The following ACYP1 variants were observed in gnomAD, a reference collection of about 807,000 sequenced individuals.
ACYP1 encodes the protein acylphosphatase 1.
A neutral mutation model predicts 10.4 loss-of-function variants in ACYP1; 8 were observed. That is an observed-to-expected ratio of 0.77 (90% CI 0.45 to 1.38). The LOEUF is 1.38. Ranked by LOEUF, ACYP1 falls within the 40% of genes most tolerant of loss-of-function variation. The pLI is 0.00. For synonymous variants in ACYP1, 38 were observed against 40.8 expected, an observed-to-expected ratio of 0.93 and a Z score of 0.26; for missense variants, 93 against 117.3, an observed-to-expected ratio of 0.79 and a Z score of 0.96.
chr14:75,055,439 G>A (rs1052762949), intron 2 of ACYP1, among the ~76,000 whole-genome samples: 6 of 151,278 alleles, frequency 4.0e-5, no homozygotes, highest in Non-Finnish European at 8.8e-5. Flanking sequence ...GACCAGTGTT[G>A]AGAATGGGCG....
At chr14:75,055,263 A>AT in intron 2 of ACYP1, among the ~76,000 whole-genome samples, 1 of 150,150 alleles carries the variant, frequency 6.7e-6, no homozygotes, top group East Asian at 1.9e-4. Context: ...ATTTTTTTGT[A>AT]TTTTTAGTAG....
intron 2 of ACYP1, among the ~76,000 whole-genome samples, chr14:75,062,387 T>A (rs1893045376): frequency 6.6e-6 from 1 of 151,206 alleles, no homozygotes. Context: ...GCTGTGACTG[T>A]GCCACCATCC....
rs1009706410 is a variant in ACYP1 at position 75,069,184 on chromosome 14, C to T, written c.82+26G>A. ...GTTCCAAAGCCTTGGCGAGGACAAG[C>T]AAGGAGCGCGCGCGTGCAGCCATAC... On this transcript the variant is annotated intron_variant, in intron 1 of 2. Coordinates refer to the ACYP1 transcript ENST00000555463. 2.6e-6 allele frequency: 4 copies of T among 1,516,320 alleles called. No individual in the cohort carries two copies. In the African/African-American group the frequency reaches 5.7e-5, roughly 22 times the overall value. The allele number at this position is 1,516,320 out of a possible 1,614,324, so 93.9% of individuals were successfully genotyped here. A position where few individuals can be genotyped will look rare whatever the true frequency, so the allele number is the denominator to read the frequency against.
intron 2 of ACYP1, among the ~76,000 whole-genome samples, chr14:75,058,971 G>A (rs1053928571): frequency 2.6e-5 from 4 of 152,012 alleles, no homozygotes; most frequent in African/African-American, 9.7e-5. Context: ...AGGCTGAGGC[G>A]GGTGGATCAC....
upstream of ACYP1, among the ~76,000 whole-genome samples, chr14:75,068,135 CA>C (rs558773269): frequency 5.3e-5 from 8 of 151,246 alleles, no homozygotes; most frequent in South Asian, 1.7e-3. Flanking sequence ...ACTAAAAATA[CA>C]AAAAATTAGC....
upstream of ACYP1, among the ~76,000 whole-genome samples, chr14:75,067,174 T>C (rs933790670): frequency 1.4e-5 from 2 of 142,452 alleles, no homozygotes; most frequent in Non-Finnish European, 3.0e-5. Flanking sequence ...GAAGAGAATG[T>C]CTGGAACTAC....
chr14:75,063,144 T>C (rs571569319), intron 2 of ACYP1: 21 of 318,494 alleles, frequency 6.6e-5, no homozygotes, highest in Middle Eastern at 1.0e-3. Flanking sequence ...TGTTAGCCTT[T>C]CTATAAGAAA....
upstream of ACYP1, among the ~76,000 whole-genome samples, chr14:75,066,368 A>C (rs1042498356): frequency 3.7e-5 from 3 of 80,798 alleles, no homozygotes; most frequent in African/African-American, 1.3e-4. Context: ...CTTGTCAATT[A>C]TATTTTAATA....
intron 1 of ACYP1, among the ~76,000 whole-genome samples, 195 bp downstream of exon 1, chr14:75,063,759 G>A (rs1413802940): frequency 6.6e-6 from 1 of 152,126 alleles, no homozygotes; most frequent in Non-Finnish European, 1.5e-5. Context: ...GGGAGAGGGA[G>A]CTTCGGATCG....
rs571490783 is a variant in ACYP1 at position 75,053,371 on chromosome 14, A to G, written c.*73T>C. The stretch of plus-strand genomic sequence containing the variant: ...TATTGACTAATGCTAATATTAACAC[A>G]CAATAGTTCTATCTCTATTAATAAT... On this transcript the variant is annotated 3_prime_UTR_variant, in exon 3 of 3. Transcript: ENST00000238618. 3.7e-6 allele frequency: 5 copies of G among 1,340,592 alleles called. No individual in the cohort carries two copies. The highest frequency in any genetic ancestry group is 3.5e-5 in the Admixed American group (2 of 57,472). The allele number at this position is 1,340,592 out of a possible 1,614,324, so 83.0% of individuals were successfully genotyped here.
intron 2 of ACYP1, among the ~76,000 whole-genome samples, chr14:75,056,953 G>A (rs1892891949): frequency 1.3e-5 from 2 of 151,552 alleles, no homozygotes; most frequent in Admixed American, 6.6e-5. Flanking sequence ...ACGAAGATCA[G>A]GAACAAGACA....
At chr14:75,063,850 T>G (rs908084771) in intron 1 of ACYP1, 104 bp downstream of exon 1, 1 of 865,296 alleles carries the variant, frequency 1.2e-6, no homozygotes, top group African/African-American at 1.7e-5. Context: ...TCCCGCTCCC[T>G]CACTACCAGA....
exon 1 of ACYP1, chr14:75,069,297 G>A (rs775835525): frequency 1.4e-6 from 2 of 1,432,272 alleles, no homozygotes; most frequent in Non-Finnish European, 1.8e-6. Context: ...GGCATCCTGC[G>A]GCGGAAGCAC....
chr14:75,062,659 CAAA>C (rs534860020), intron 2 of ACYP1, among the ~76,000 whole-genome samples: 41,273 of 103,482 alleles, frequency 0.4, 5,392 homozygotes, highest in Middle Eastern at 0.48. Flanking sequence ...ACTAAAAATA[CAAA>C]AAAAAAAAAA....
upstream of ACYP1, among the ~76,000 whole-genome samples, chr14:75,068,919 T>G (rs1361611486): frequency 1.3e-5 from 2 of 152,114 alleles, no homozygotes; most frequent in Non-Finnish European, 2.9e-5. Context: ...AGAAGAAAAA[T>G]GAACTTTCTT....
chr14:75,057,991 A>G (rs1183362683), intron 2 of ACYP1, among the ~76,000 whole-genome samples: 1 of 147,502 alleles, frequency 6.8e-6, no homozygotes, highest in African/African-American at 2.5e-5. Context: ...AAAAAAAAGA[A>G]CTACCTGCTG....
chr14:75,069,112 A>G, intron 1 of ACYP1: 2 of 1,241,808 alleles, frequency 1.6e-6, no homozygotes, highest in Non-Finnish European at 2.2e-6. Flanking sequence ...GATTGGCCAC[A>G]AAAACTACCA....
At chr14:75,059,308 G>A (rs1407598214) in intron 2 of ACYP1, among the ~76,000 whole-genome samples, 4 of 151,948 alleles carry the variant, frequency 2.6e-5, no homozygotes, top group African/African-American at 9.7e-5. Context: ...GGATCAGCCA[G>A]GCAACATGGG....
At chr14:75,060,793 C>T (rs187967208) in intron 2 of ACYP1, among the ~76,000 whole-genome samples, 5 of 152,250 alleles carry the variant, frequency 3.3e-5, no homozygotes, top group Non-Finnish European at 4.4e-5. Flanking sequence ...AGGCTGAACA[C>T]GGTGGCTCAT....
Sources: gnomAD v4.1 joint callset for allele counts (sites outside exome capture counted in the v4.1 genomes callset) on GRCh38, gnomAD v4.1.1 for gene constraint, MANE v1.5 for transcripts, NCBI Gene and HGNC (gene_info 2026-07-23, HGNC 2026-07-21) for gene names.